KCNC2: variants seen among roughly 807,000 people sequenced by gnomAD.
KCNC2 encodes the protein voltage-gated potassium channel KCNC2.
In KCNC2, 21 loss-of-function variants were observed where a neutral mutation model predicts 44.5. The ratio of observed to expected loss-of-function variants is 0.47; its 90% CI spans 0.33 to 0.68. The LOEUF (loss-of-function observed/expected upper bound fraction) is 0.68. Ranked by LOEUF, KCNC2 falls within the 30% of genes least tolerant of loss-of-function variation. The probability of loss-of-function intolerance (pLI) is 0.01; values close to 1 mark genes in which losing one functional copy is unlikely to be tolerated. For synonymous variants in KCNC2, 391 were observed against 339.1 expected, an observed-to-expected ratio of 1.15 and a Z score of -1.68; for missense variants, 589 against 826.2, an observed-to-expected ratio of 0.71 and a Z score of 3.52.
chr12:75,046,505 T>TA (rs1221398572), intron 4 of KCNC2, among the ~76,000 whole-genome samples: 18 of 151,764 alleles, frequency 1.2e-4, no homozygotes, highest in Non-Finnish European at 1.8e-4. Flanking sequence ...GAATGCTGCT[T>TA]AAAAATGTAT....
In KCNC2 at chr12:75,042,158, G is replaced by A; in HGVS notation, c.*947C>T. 1 of 1,275,722 alleles carries A rather than the reference G, an allele frequency of 7.8e-7. No individual in the cohort carries two copies. The highest frequency in any genetic ancestry group is 3.0e-5 in the South Asian group (1 of 33,204). 79.0% of individuals were successfully genotyped at this position (1,275,722 alleles called of 1,614,324 possible). On this transcript the variant is annotated 3_prime_UTR_variant, in exon 5 of 5. Coordinates refer to ENST00000549446, the MANE Select transcript of KCNC2 (RefSeq NM_139137.4). Reference sequence around the variant, plus strand: ...GGTAAAAAAAAGACACAAGAGCTTTGGGTGATATTTGGCACTCTGCCTCTG... The same window carrying A: ...GGTAAAAAAAAGACACAAGAGCTTTAGGTGATATTTGGCACTCTGCCTCTG...
intron 2 of KCNC2, among the ~76,000 whole-genome samples, chr12:75,053,301 G>A (rs2136954486): frequency 6.6e-6 from 1 of 151,926 alleles, no homozygotes; most frequent in East Asian, 1.9e-4. Flanking sequence ...CCCTACTTTA[G>A]ACTGAAGCAT....
intron 2 of KCNC2, among the ~76,000 whole-genome samples, chr12:75,127,699 T>C (rs1390768517): frequency 6.6e-6 from 1 of 152,208 alleles, no homozygotes; most frequent in African/African-American, 2.4e-5. Flanking sequence ...GGTTTTTACC[T>C]GTACAAAGGC....
chr12:75,091,784 A>G (rs1303440057), intron 2 of KCNC2, among the ~76,000 whole-genome samples: 1 of 151,654 alleles, frequency 6.6e-6, no homozygotes, highest in East Asian at 1.9e-4. Flanking sequence ...AAATCTATGT[A>G]GACAATAGAA....
intron 2 of KCNC2, among the ~76,000 whole-genome samples, chr12:75,113,830 G>A (rs1887441244): frequency 1.3e-5 from 2 of 152,132 alleles, no homozygotes; most frequent in Middle Eastern, 3.2e-3. Context: ...TCCTTCAGCC[G>A]TGGATTGTAA....
intron 2 of KCNC2, among the ~76,000 whole-genome samples, chr12:75,184,444 A>G (rs1487514580): frequency 1.3e-5 from 2 of 152,176 alleles, no homozygotes; most frequent in Non-Finnish European, 2.9e-5. Context: ...GATAACATCA[A>G]CCACTGGTTT....
chr12:75,116,280 A>C (rs757745937), intron 2 of KCNC2, among the ~76,000 whole-genome samples: 3 of 152,130 alleles, frequency 2.0e-5, no homozygotes, highest in Non-Finnish European at 4.4e-5. Context: ...AAGACAGCTG[A>C]ACTCAGCTGG....
chr12:75,101,654 G>T (rs527946182), intron 2 of KCNC2, among the ~76,000 whole-genome samples: 1 of 152,116 alleles, frequency 6.6e-6, no homozygotes, highest in Non-Finnish European at 1.5e-5. Context: ...AAATAAAAAA[G>T]ACCAAGAATG....
At chr12:75,169,132 A>T (rs1183819590) in intron 2 of KCNC2, among the ~76,000 whole-genome samples, 27 of 151,552 alleles carry the variant, frequency 1.8e-4, no homozygotes, top group Admixed American at 1.8e-3. Flanking sequence ...TAATACAAAC[A>T]TTAGATCATA....
chr12:75,110,602 C>G (rs926202556), intron 2 of KCNC2, among the ~76,000 whole-genome samples: 1 of 152,074 alleles, frequency 6.6e-6, no homozygotes, highest in African/African-American at 2.4e-5. Context: ...CAAAAGAGGG[C>G]TGAGCCATGT....
chr12:75,042,598 G>T lies in KCNC2; in HGVS notation c.*507C>A. 3.0e-6 allele frequency: 4 copies of T among 1,338,216 alleles called. No homozygotes were observed. Among genetic ancestry groups the T allele is most frequent in the Non-Finnish European group, 3.8e-6 (4 of 1,045,600 alleles). 82.9% of individuals were successfully genotyped at this position (1,338,216 alleles called of 1,614,324 possible). A position where few individuals can be genotyped will look rare whatever the true frequency, so the allele number is the denominator to read the frequency against. On this transcript the variant is annotated 3_prime_UTR_variant, in exon 5 of 5. Transcript: ENST00000549446. Reference sequence around the variant, plus strand: ...GGTTCGATGCAAGTACACATATCCTGAGCTATCCACAGTCCCCGAACTCTG... The same window carrying T: ...GGTTCGATGCAAGTACACATATCCTTAGCTATCCACAGTCCCCGAACTCTG...
intron 2 of KCNC2, among the ~76,000 whole-genome samples, chr12:75,064,455 A>G (rs1882633603): frequency 6.6e-6 from 1 of 152,040 alleles, no homozygotes; most frequent in African/African-American, 2.4e-5. Flanking sequence ...TCCTTGGATT[A>G]CAAGGCTGAG....
intron 2 of KCNC2, among the ~76,000 whole-genome samples, chr12:75,129,816 G>A (rs1888701799): frequency 6.6e-6 from 1 of 152,138 alleles, no homozygotes; most frequent in South Asian, 2.1e-4. Flanking sequence ...TGACTTTACT[G>A]TAGTTTAATC....
intron 2 of KCNC2, among the ~76,000 whole-genome samples, chr12:75,193,756 C>T (rs2030517034): frequency 1.3e-5 from 2 of 152,082 alleles, no homozygotes; most frequent in African/African-American, 4.8e-5. Flanking sequence ...ATTTGCCGGC[C>T]TGCTCCTATC....
chr12:75,136,964 C>G (rs963555667), intron 2 of KCNC2, among the ~76,000 whole-genome samples: 1 of 152,128 alleles, frequency 6.6e-6, no homozygotes, highest in Non-Finnish European at 1.5e-5. Context: ...ACACTCTCTC[C>G]TCTTTCCTTG....
chr12:75,173,451 T>C lies in KCNC2; in HGVS notation c.687+33846A>G, dbSNP rs74870575. Among the ~76,000 whole-genome samples the C allele has an allele frequency of 4.1e-3, 626 of 151,900 alleles. 36 individuals are homozygous for C. The East Asian group carries it at 0.1, about 25-fold the overall frequency. On this transcript the variant is annotated intron_variant, in intron 2 of 4. Coordinates refer to ENST00000549446, the MANE Select transcript of KCNC2 (RefSeq NM_139137.4). Reference sequence around the variant, plus strand: ...AGATTTGGGCCTGTAAACTACACTTTCCACTACTCCATAGTTCCTCATTTC... The same window carrying C: ...AGATTTGGGCCTGTAAACTACACTTCCCACTACTCCATAGTTCCTCATTTC...
chr12:75,151,054 G>A (rs1423839883), intron 2 of KCNC2, among the ~76,000 whole-genome samples: 1 of 151,836 alleles, frequency 6.6e-6, no homozygotes, highest in Non-Finnish European at 1.5e-5. Flanking sequence ...AACAGTTTTT[G>A]CCTGAAGTCA....
At chr12:75,052,661 T>G (rs974994158) in intron 2 of KCNC2, among the ~76,000 whole-genome samples, 3 of 152,092 alleles carry the variant, frequency 2.0e-5, no homozygotes, top group African/African-American at 7.2e-5. Flanking sequence ...GCCCCTAATA[T>G]CTAGTCCTCA....
intron 2 of KCNC2, among the ~76,000 whole-genome samples, chr12:75,098,171 T>A (rs1886090160): frequency 6.6e-6 from 1 of 152,156 alleles, no homozygotes; most frequent in South Asian, 2.1e-4. Context: ...AACATGATTA[T>A]CCTGTGAATA....
Sources: gnomAD v4.1 joint callset for allele counts (sites outside exome capture counted in the v4.1 genomes callset) on GRCh38, gnomAD v4.1.1 for gene constraint, MANE v1.5 for transcripts, NCBI Gene and HGNC (gene_info 2026-07-23, HGNC 2026-07-21) for gene names.